NDUFS1: variants seen among roughly 807,000 people sequenced by gnomAD.
NDUFS1 encodes the protein NADH:ubiquinone oxidoreductase core subunit S1.
A neutral mutation model predicts 84.4 loss-of-function variants in NDUFS1; 61 were observed. The ratio of observed to expected loss-of-function variants is 0.72; its 90% CI spans 0.59 to 0.89. NDUFS1 has a LOEUF of 0.89. Ranked by LOEUF, NDUFS1 falls within the 40% of genes least tolerant of loss-of-function variation. The probability of loss-of-function intolerance (pLI) is 0.00; values close to 1 mark genes in which losing one functional copy is unlikely to be tolerated. For synonymous variants in NDUFS1, 275 were observed against 290.0 expected, an observed-to-expected ratio of 0.95 and a Z score of 0.53; for missense variants, 891 against 890.0, an observed-to-expected ratio of 1.00 and a Z score of -0.01.
Position 206,124,248 on chromosome 2 carries a change from C to A in NDUFS1, c.2121G>T (p.Met707Ile), listed in dbSNP as rs1321888585. The stretch of plus-strand genomic sequence containing the variant: ...CTGTGACAGCTTTGACACATTTGGC[C>A]ATTGTCTGTGAGGCTCTGCTAATTG... Reference protein sequence around the residue: ...TDSISRASQTMAKCVKAVTEG... With the variant: ...TDSISRASQTIAKCVKAVTEG... The change falls in exon 19 of 19, where the codon ATG becomes ATT. Residue 707 changes from methionine (M) to isoleucine (I), a missense_variant. Coordinates refer to ENST00000233190, the MANE Select transcript of NDUFS1 (RefSeq NM_005006.7). 12 of 1,613,224 alleles carry A rather than the reference C, an allele frequency of 7.4e-6. No individual in the cohort carries two copies. Among genetic ancestry groups the A allele is most frequent in the Non-Finnish European group, 9.3e-6 (11 of 1,179,248 alleles).
At chr2:206,147,694 C>T (rs769945534) in intron 6 of NDUFS1, 33 bp from the exon 7 acceptor site, 8 of 1,614,004 alleles carry the variant, frequency 5.0e-6, no homozygotes, top group Non-Finnish European at 6.8e-6. Flanking sequence ...CAATCTCATG[C>T]TGCTAATAAA....
rs760292289 is a variant in NDUFS1 at position 206,133,111 on chromosome 2, TA to T, written c.1393-7del. 4,654 of 1,252,170 alleles carry T rather than the reference TA, an allele frequency of 3.7e-3. 18 individuals are homozygous for T. Among genetic ancestry groups the T allele is most frequent in the East Asian group, 0.03 (1,049 of 34,568 alleles). The allele number at this position is 1,252,170 out of a possible 1,614,324, so 77.6% of individuals were successfully genotyped here. A position where few individuals can be genotyped will look rare whatever the true frequency, so the allele number is the denominator to read the frequency against. On this transcript the variant is annotated splice_polypyrimidine_tract_variant and splice_region_variant and intron_variant, in intron 13 of 18. Transcript: ENST00000233190. ...TTTTTAGCTTCCTTTAGGACCTATT[TA>T]AAAAAAAAAACAACTTTGATTTTAA... is the stretch of plus-strand genomic sequence containing the variant.
At chr2:206,156,247 A>ACT (rs1687647417) in intron 1 of NDUFS1, among the ~76,000 whole-genome samples, 1 of 140,666 alleles carries the variant, frequency 7.1e-6, no homozygotes, top group African/African-American at 2.8e-5. Flanking sequence ...TGGGCGACAG[A>ACT]GCAACACTCT....
intron 1 of NDUFS1, among the ~76,000 whole-genome samples, chr2:206,158,469 T>A (rs1559070087): frequency 6.6e-6 from 1 of 152,234 alleles, no homozygotes; most frequent in African/African-American, 2.4e-5. Context: ...TTATTCTTCT[T>A]TACGGACTCA....
chr2:206,141,210 G>A (rs545132282), intron 12 of NDUFS1, among the ~76,000 whole-genome samples: 311 of 152,142 alleles, frequency 2.0e-3, no homozygotes, highest in African/African-American at 7.0e-3. Flanking sequence ...GAACCCAGGA[G>A]CTCGAGACTA....
At chr2:206,153,030 A>G (rs1443922914) in intron 2 of NDUFS1, among the ~76,000 whole-genome samples, 2 of 152,114 alleles carry the variant, frequency 1.3e-5, no homozygotes, top group Admixed American at 1.3e-4. Context: ...AATGTCACTG[A>G]AAATATGTTC....
intron 5 of NDUFS1, 52 bp from the exon 6 acceptor site, chr2:206,147,886 C>A: frequency 6.7e-7 from 1 of 1,482,118 alleles, no homozygotes; most frequent in Non-Finnish European, 9.4e-7. Context: ...CACACACTGA[C>A]ATTAACTGCT....
In NDUFS1 at chr2:206,119,671, T is replaced by G. The variant is rs1356874201; in HGVS notation, c.*4514A>C. On this transcript the variant is annotated 3_prime_UTR_variant, in exon 19 of 19. Coordinates refer to ENST00000233190, the MANE Select transcript of NDUFS1 (RefSeq NM_005006.7). ...CTCAGGTGATCCGCCTGCCTCGGCC[T>G]CCCAAAGTGCTGGGATTACAGGCTT... 1 of 152,160 alleles carries G rather than the reference T, an allele frequency of 6.6e-6. No individual in the cohort carries two copies. The highest frequency in any genetic ancestry group is 1.9e-4 in the East Asian group (1 of 5,146). 9.4% of individuals were successfully genotyped at this position (152,160 alleles called of 1,614,324 possible).
At chr2:206,128,774 C>CT (rs1691392865) in intron 15 of NDUFS1, among the ~76,000 whole-genome samples, 2 of 150,762 alleles carry the variant, frequency 1.3e-5, no homozygotes, top group South Asian at 4.2e-4. Context: ...GAGTGAGACT[C>CT]TATCTCAAAA....
Position 206,121,290 on chromosome 2 carries a change from A to C in NDUFS1, c.*2895T>G, listed in dbSNP as rs1302772586. On this transcript the variant is annotated 3_prime_UTR_variant, in exon 19 of 19. Transcript: ENST00000233190. ...TGATTCCACCAGACAGGTTACTCTC[A>C]TCTACGTGTATTTTTCTTACATCTT... 1 of 152,048 alleles carries C rather than the reference A, an allele frequency of 6.6e-6. No individual in the cohort carries two copies. Among genetic ancestry groups the C allele is most frequent in the African/African-American group, 2.4e-5 (1 of 41,402 alleles). 9.4% of individuals were successfully genotyped at this position (152,048 alleles called of 1,614,324 possible).
At position 206,148,805 on chromosome 2, in the gene NDUFS1, AG is replaced by A. The variant is rs1274190238; in HGVS notation, c.338+214del. ...CACAAGTTGAGCAAGTTACTAAAGA[AG>A]GATTTTTAATGCTGATCCTAAAGCT... On this transcript the variant is annotated intron_variant, in intron 5 of 18. Coordinates refer to ENST00000233190, the MANE Select transcript of NDUFS1 (RefSeq NM_005006.7). 2.0e-5 allele frequency among the ~76,000 whole-genome samples: 3 copies of A among 152,328 alleles called. No homozygotes were observed. In the East Asian group the frequency reaches 5.8e-4, roughly 29 times the overall value.
rs1691106219 is a variant in NDUFS1, at chr2:206,121,869, C to T, written c.*2316G>A. ...CTTTTCTATCTGAATGCAGTATTCT[C>T]TTACCCACAACCATATGAAGTCTAC... On this transcript the variant is annotated 3_prime_UTR_variant, in exon 19 of 19. Transcript: ENST00000233190. 1 of 152,152 alleles carries T rather than the reference C, an allele frequency of 6.6e-6. No homozygotes were observed. The highest frequency in any genetic ancestry group is 6.6e-5 in the Admixed American group (1 of 15,252). 9.4% of individuals were successfully genotyped at this position (152,152 alleles called of 1,614,324 possible).
rs1308310417 is a variant in NDUFS1 at position 206,122,915 on chromosome 2, T to G, written c.*1270A>C. 1 of 151,896 alleles carries G rather than the reference T, an allele frequency of 6.6e-6. No individual in the cohort carries two copies. Among genetic ancestry groups the G allele is most frequent in the Non-Finnish European group, 1.5e-5 (1 of 68,028 alleles). 9.4% of individuals were successfully genotyped at this position (151,896 alleles called of 1,614,324 possible). A position where few individuals can be genotyped will look rare whatever the true frequency, so the allele number is the denominator to read the frequency against. On this transcript the variant is annotated 3_prime_UTR_variant, in exon 19 of 19. Coordinates refer to ENST00000233190, the MANE Select transcript of NDUFS1 (RefSeq NM_005006.7). ...ACACCCAGCTAATTTTTGTATTTTT[T>G]GTAGAGATGGGGTTTCACCATGTTG...
intron 18 of NDUFS1, among the ~76,000 whole-genome samples, chr2:206,125,138 A>G (rs892190534): frequency 2.6e-5 from 4 of 151,790 alleles, no homozygotes; most frequent in African/African-American, 9.7e-5. Context: ...GAGCCACTGC[A>G]CCAGGCCTAA....
At chr2:206,124,658 T>C (rs1320992395) in intron 18 of NDUFS1, among the ~76,000 whole-genome samples, 2 of 151,912 alleles carry the variant, frequency 1.3e-5, no homozygotes, top group Admixed American at 1.3e-4. Context: ...GCTAACACAG[T>C]GAAACCCCAT....
intron 8 of NDUFS1, 124 bp from the exon 9 acceptor site, chr2:206,145,150 C>T: frequency 1.1e-6 from 1 of 924,550 alleles, no homozygotes; most frequent in African/African-American, 1.7e-5. Flanking sequence ...AAAAATGAAG[C>T]TTAGAGGAAC....
chr2:206,134,550 C>T (rs1691637029), intron 13 of NDUFS1, among the ~76,000 whole-genome samples: 1 of 151,548 alleles, frequency 6.6e-6, no homozygotes, highest in Admixed American at 6.6e-5. Context: ...CCATTGCACT[C>T]CAGCATGGGT....
intron 13 of NDUFS1, among the ~76,000 whole-genome samples, chr2:206,137,584 G>T (rs1379303722): frequency 4.0e-5 from 6 of 151,782 alleles, no homozygotes; most frequent in Non-Finnish European, 8.8e-5. Context: ...AGCTCAGAAA[G>T]GGGGGAAAAA....
At chr2:206,133,883 G>C (rs1317308223) in intron 13 of NDUFS1, among the ~76,000 whole-genome samples, 1 of 152,216 alleles carries the variant, frequency 6.6e-6, no homozygotes, top group Non-Finnish European at 1.5e-5. Flanking sequence ...AGGAGGCTGA[G>C]GCACGAGAAT....
Sources: gnomAD v4.1 joint callset for allele counts (sites outside exome capture counted in the v4.1 genomes callset) on GRCh38, gnomAD v4.1.1 for gene constraint, MANE v1.5 for transcripts, NCBI Gene and HGNC (gene_info 2026-07-23, HGNC 2026-07-21) for gene names.